IGSF10: variants seen among roughly 807,000 people sequenced by gnomAD.
IGSF10 encodes calvaria mechanical force protein 608.
A neutral mutation model predicts 128.2 loss-of-function variants in IGSF10; 126 were observed. The observed-to-expected ratio is 0.98, with a 90% CI of 0.85 to 1.14. The LOEUF (loss-of-function observed/expected upper bound fraction) is 1.14. Among genes scored for constraint, IGSF10 ranks in the 50% most tolerant of loss-of-function variants. IGSF10 has a pLI of 0.00. For synonymous variants in IGSF10, 1,185 were observed against 1,146.2 expected, an observed-to-expected ratio of 1.03 and a Z score of -0.68; for missense variants, 3,295 against 3,149.8, an observed-to-expected ratio of 1.05 and a Z score of -1.10.
chr3:151,497,549 A>G, the IGSF10 span, among the ~76,000 whole-genome samples: 1 of 152,180 alleles, frequency 6.6e-6, no homozygotes, highest in African/African-American at 2.4e-5. Flanking sequence ...CTGTTTTGGT[A>G]CCAGTACCAT....
chr3:151,548,712 G>T, the IGSF10 span, among the ~76,000 whole-genome samples: 1 of 151,880 alleles, frequency 6.6e-6, no homozygotes, highest in East Asian at 1.9e-4. Flanking sequence ...AATTGTTTTG[G>T]CAGTGATAGT....
the IGSF10 span, among the ~76,000 whole-genome samples, chr3:151,576,035 A>G: frequency 6.6e-6 from 1 of 152,058 alleles, no homozygotes; most frequent in African/African-American, 2.4e-5. Context: ...GAACTTTGAC[A>G]TCTTTTCTAA....
the IGSF10 span, among the ~76,000 whole-genome samples, chr3:151,493,785 T>C: frequency 6.6e-6 from 1 of 152,106 alleles, no homozygotes; most frequent in African/African-American, 2.4e-5. Flanking sequence ...CATAATATGG[T>C]GTAAACCTCC....
the IGSF10 span, among the ~76,000 whole-genome samples, chr3:151,503,674 A>G: frequency 2.0e-5 from 3 of 152,206 alleles, no homozygotes; most frequent in Non-Finnish European, 2.9e-5. Flanking sequence ...ATTAAGACAG[A>G]GGAATTGCAG....
At chr3:151,577,931 G>A in the IGSF10 span, among the ~76,000 whole-genome samples, 1 of 152,104 alleles carries the variant, frequency 6.6e-6, no homozygotes, top group South Asian at 2.1e-4. Context: ...TGTGCTCTTT[G>A]TTTCTTTTAA....
chr3:151,548,980 T>C, the IGSF10 span, among the ~76,000 whole-genome samples: 1 of 152,156 alleles, frequency 6.6e-6, no homozygotes, highest in East Asian at 1.9e-4. Flanking sequence ...ATTTTTCTTC[T>C]TGTCTATACT....
rs1312688831 is a variant in IGSF10 at position 151,447,414 on chromosome 3, G to T, written c.2567C>A (p.Pro856His). The T allele has an allele frequency of 1.2e-6, 2 of 1,614,000 alleles. No individual in the cohort carries two copies. Among genetic ancestry groups the T allele is most frequent in the East Asian group, 4.5e-5 (2 of 44,892 alleles). ...AGCAGTAGACAGTTTGAAATCTGTG[G>T]GTTCTTCAGGTGGTAGTATTTGTGA... is the stretch of plus-strand genomic sequence containing the variant. ...VNSQILPPEE[P>H]TDFKLSTAIK... The change falls in exon 6 of 8, where the codon CCC (proline) becomes CAC (histidine). Residue 856 changes from proline to histidine, a missense_variant. By Grantham distance (77) the Pro-to-His change is moderately conservative. Transcript: ENST00000282466.
Position 151,449,022 on chromosome 3 carries a change from A to G in IGSF10, c.959T>C (p.Met320Thr), listed in dbSNP as rs1577672389. The G allele has an allele frequency of 6.2e-7, 1 of 1,614,104 alleles. No homozygotes were observed. The highest frequency in any genetic ancestry group is 2.2e-5 in the East Asian group (1 of 44,908). The change falls in exon 6 of 8, where the codon ATG becomes ACG. Residue 320 changes from methionine (M) to threonine (T), a missense_variant. By Grantham distance (81) the Met-to-Thr change is moderately conservative. Transcript: ENST00000282466. ...MAPFGSLTLN[M>T]TDQSGNEANM... ...AGCTTCATTTCCAGACTGATCTGTC[A>G]TATTCAAAGTGAGGGAGCCAAAGGG...
chr3:151,488,254 C>A, the IGSF10 span, among the ~76,000 whole-genome samples: 2 of 152,054 alleles, frequency 1.3e-5, no homozygotes, highest in Non-Finnish European at 2.9e-5. Flanking sequence ...CCTAGGAATA[C>A]AACTTACAAG....
chr3:151,445,142 C>T lies in IGSF10; in HGVS notation c.4839G>A (p.Gln1613=). ...ATTLVSDWDG[Q]KNTKKSDFDK... The stretch of plus-strand genomic sequence containing the variant: ...CAAAGTCACTCTTCTTTGTGTTCTT[C>T]TGTCCATCCCAATCTGAAACAAGAG... The change falls in exon 6 of 8, where the codon CAG becomes CAA. Residue 1613 remains glutamine (Q), a synonymous_variant. Transcript: ENST00000282466. 1.2e-6 allele frequency: 2 copies of T among 1,614,196 alleles called. No individual in the cohort carries two copies. Among genetic ancestry groups the T allele is most frequent in the Non-Finnish European group, 1.7e-6 (2 of 1,180,028 alleles).
the IGSF10 span, among the ~76,000 whole-genome samples, chr3:151,494,375 C>T: frequency 6.6e-6 from 1 of 152,032 alleles, no homozygotes; most frequent in African/African-American, 2.4e-5. Flanking sequence ...GCAGAAACCC[C>T]AGGCATATCT....
chr3:151,461,245 G>A, upstream of IGSF10: 1 of 985,336 alleles, frequency 1.0e-6, no homozygotes, highest in Non-Finnish European at 1.2e-6. Context: ...AAGTTGGCAG[G>A]TCCTGGCTGG....
the IGSF10 span, among the ~76,000 whole-genome samples, chr3:151,548,200 A>G: frequency 2.0e-5 from 3 of 152,202 alleles, no homozygotes; most frequent in Non-Finnish European, 4.4e-5. Context: ...CTAAGTGGCA[A>G]TATAAGAAGT....
the IGSF10 span, among the ~76,000 whole-genome samples, chr3:151,489,902 A>G: frequency 2.0e-5 from 3 of 152,036 alleles, no homozygotes; most frequent in Admixed American, 6.6e-5. Flanking sequence ...GCAAACCACC[A>G]TGGCACGTCT....
At chr3:151,577,383 A>G in the IGSF10 span, among the ~76,000 whole-genome samples, 1 of 152,302 alleles carries the variant, frequency 6.6e-6, no homozygotes, top group South Asian at 2.1e-4. Context: ...TACTAAGCTT[A>G]CAATGCTATA....
the IGSF10 span, among the ~76,000 whole-genome samples, chr3:151,575,212 A>G: frequency 2.1e-5 from 3 of 146,152 alleles, no homozygotes; most frequent in Non-Finnish European, 4.5e-5. Flanking sequence ...CCACTTGAGG[A>G]GGCAGTCTGT....
At chr3:151,511,458 G>A in the IGSF10 span, among the ~76,000 whole-genome samples, 1 of 152,188 alleles carries the variant, frequency 6.6e-6, no homozygotes, top group Admixed American at 6.5e-5. Context: ...AAGAGCTCCT[G>A]AAGGAAGCAC....
At position 151,445,794 on chromosome 3, in the gene IGSF10, G is replaced by A. The variant is rs144379097; in HGVS notation, c.4187C>T (p.Ser1396Phe). ...VKPSVSAFTH[S>F]PPENTTGISS... ...AATCCCAGTTGTGTTTTCTGGTGGG[G>A]AATGAGTGAATGCAGAGACACTGGG... The change falls in exon 6 of 8, where the codon TCC becomes TTC. Residue 1396 changes from serine to phenylalanine, a missense_variant. Coordinates refer to ENST00000282466, the MANE Select transcript of IGSF10 (RefSeq NM_178822.5). 465 of 1,614,216 alleles carry A rather than the reference G, an allele frequency of 2.9e-4. No homozygotes were observed. Among genetic ancestry groups the A allele is most frequent in the Admixed American group, 7.8e-4 (47 of 60,024 alleles).
the IGSF10 span, among the ~76,000 whole-genome samples, chr3:151,498,100 A>G: frequency 6.6e-6 from 1 of 152,188 alleles, no homozygotes; most frequent in African/African-American, 2.4e-5. Context: ...TCCTAGATAT[A>G]CAATCATGTC....
Sources: allele counts gnomAD v4.1 joint callset (sites outside exome capture counted in the v4.1 genomes callset), GRCh38; gene constraint gnomAD v4.1.1; transcripts MANE v1.5; gene names NCBI Gene and HGNC (gene_info 2026-07-23, HGNC 2026-07-21).